The following UROS variants were observed in gnomAD, a reference collection of about 807,000 sequenced individuals.
UROS encodes uroporphyrinogen III synthase.
In UROS, 18 loss-of-function variants were observed where a neutral mutation model predicts 33.0. The observed-to-expected ratio is 0.55, with a 90% CI of 0.38 to 0.81. The LOEUF is 0.81. Among genes scored for constraint, UROS ranks in the 30% least tolerant of loss-of-function variants. UROS has a pLI of 0.00. For missense variants in UROS, 293 were observed against 314.9 expected (o/e 0.93, Z 0.53); for synonymous variants, 114 against 121.1 (o/e 0.94, Z 0.38).
chr10:125,811,805 C>CAAA (rs141063476), intron 5 of UROS, among the ~76,000 whole-genome samples: 2 of 148,994 alleles, frequency 1.3e-5, no homozygotes, highest in African/African-American at 2.5e-5. Context: ...TTAAGAAAAC[C>CAAA]AAAAAAAAAC....
At chr10:125,786,062 G>T (rs369242871), downstream of UROS, among the ~76,000 whole-genome samples, 285 of 152,150 alleles carry the variant, frequency 1.9e-3, 2 homozygotes, top group African/African-American at 6.5e-3. Flanking sequence ...CACCGTCCTG[G>T]GTGGCCCTAC....
At chr10:125,787,008 G>A (rs542482398), downstream of UROS, among the ~76,000 whole-genome samples, 53 of 152,272 alleles carry the variant, frequency 3.5e-4, 1 homozygote, top group Non-Finnish European at 6.2e-4. Context: ...CTCATCTCCC[G>A]CCCCGTATGA....
intron 9 of UROS, among the ~76,000 whole-genome samples, chr10:125,791,284 T>C (rs1235154142): frequency 1.3e-5 from 2 of 152,130 alleles, no homozygotes; most frequent in Non-Finnish European, 2.9e-5. Context: ...ATCAAATACA[T>C]GCTGAGAAAC....
chr10:125,793,916 C>G (rs971721594), intron 9 of UROS: 5 of 152,140 alleles, frequency 3.3e-5, no homozygotes, highest in Non-Finnish European at 5.9e-5. Flanking sequence ...GAGTCCTGGG[C>G]CTTCTAGGAA....
intron 7 of UROS, chr10:125,796,647 C>G (rs2133836181): frequency 4.1e-6 from 2 of 483,724 alleles, no homozygotes; most frequent in Non-Finnish European, 5.4e-6. Flanking sequence ...CGTCCCCTCT[C>G]TGGGCCTCAG....
intron 1 of UROS, 24 bp from the exon 2 acceptor site, chr10:125,816,549 T>A (rs746481710): frequency 1.2e-6 from 2 of 1,611,692 alleles, no homozygotes; most frequent in Admixed American, 1.7e-5. Flanking sequence ...AGGAAACAGA[T>A]CTTAATTAGA....
Position 125,823,216 on chromosome 10 carries a change from G to T in UROS, c.-214C>A. The T allele has an allele frequency of 9.3e-6, 2 of 214,930 alleles. No individual in the cohort carries two copies. The highest frequency in any genetic ancestry group is 2.1e-4 in the South Asian group (2 of 9,468). The allele number at this position is 214,930 out of a possible 1,614,324, so 13.3% of individuals were successfully genotyped here. ...CCCCAGGACCCCGCACCTCAGACTG[G>T]GGTCGCGTGGGTGGCTGCGCGCAGC... is the stretch of plus-strand genomic sequence containing the variant. On this transcript the variant is annotated 5_prime_UTR_variant, in exon 1 of 10. Coordinates refer to ENST00000368797, the MANE Select transcript of UROS (RefSeq NM_000375.3).
intron 5 of UROS, among the ~76,000 whole-genome samples, chr10:125,808,156 C>G (rs1852496457): frequency 6.6e-6 from 1 of 152,178 alleles, no homozygotes; most frequent in Non-Finnish European, 1.5e-5. Context: ...CTTTTCCAGA[C>G]AGCAAACACT....
intron 6 of UROS, among the ~76,000 whole-genome samples, chr10:125,800,368 C>T (rs1223965389): frequency 1.3e-5 from 2 of 152,222 alleles, no homozygotes; most frequent in Admixed American, 6.5e-5. Flanking sequence ...TTGCCTTTTC[C>T]GATACTACCT....
intron 5 of UROS, among the ~76,000 whole-genome samples, chr10:125,811,239 A>G (rs901768763): frequency 2.6e-5 from 4 of 152,270 alleles, no homozygotes; most frequent in African/African-American, 9.6e-5. Flanking sequence ...TGGAAAATGT[A>G]TAAATATACT....
At chr10:125,818,515 A>ATAATAC (rs1853562046) in intron 1 of UROS, among the ~76,000 whole-genome samples, 1 of 151,330 alleles carries the variant, frequency 6.6e-6, no homozygotes, top group Admixed American at 6.6e-5. Flanking sequence ...AATAATAATA[A>ATAATAC]TATAAAATTA....
At chr10:125,796,280 A>G (rs1382258377) in intron 7 of UROS, 92 bp from the exon 8 acceptor site, 2 of 1,232,248 alleles carry the variant, frequency 1.6e-6, no homozygotes, top group African/African-American at 1.5e-5. Flanking sequence ...AAACCTCCCA[A>G]TACAGCACCA....
At chr10:125,799,829 TCTACAA>T (rs1851671458) in intron 6 of UROS, among the ~76,000 whole-genome samples, 1 of 152,076 alleles carries the variant, frequency 6.6e-6, no homozygotes, top group African/African-American at 2.4e-5. Context: ...TGAGGAGAGA[TCTACAA>T]CTACATGTCC....
intron 7 of UROS, among the ~76,000 whole-genome samples, chr10:125,797,711 T>A (rs1851480041): frequency 6.6e-6 from 1 of 152,190 alleles, no homozygotes; most frequent in East Asian, 1.9e-4. Context: ...ATCGGCTACA[T>A]TTGTAGACTT....
intron 6 of UROS, among the ~76,000 whole-genome samples, chr10:125,805,036 G>C (rs1852197518): frequency 6.6e-6 from 1 of 152,222 alleles, no homozygotes; most frequent in Non-Finnish European, 1.5e-5. Flanking sequence ...CAATATGGGG[G>C]GTGGGGCAAG....
intron 9 of UROS, among the ~76,000 whole-genome samples, chr10:125,790,544 C>T (rs1850845405): frequency 6.6e-6 from 1 of 152,162 alleles, no homozygotes; most frequent in Non-Finnish European, 1.5e-5. Flanking sequence ...CATGGTAGCT[C>T]ATGCCTGTAA....
intron 6 of UROS, among the ~76,000 whole-genome samples, chr10:125,800,702 C>T (rs1190879941): frequency 6.6e-6 from 1 of 151,992 alleles, no homozygotes; most frequent in Non-Finnish European, 1.5e-5. Context: ...GCTGGGATTA[C>T]AGACGCGGCC....
At chr10:125,819,787 T>C (rs141499067) in intron 1 of UROS, 1 of 152,654 alleles carries the variant, frequency 6.6e-6, no homozygotes, top group African/African-American at 2.4e-5. Context: ...AACCTGTTAT[T>C]TCCCATTGAG....
At position 125,813,345 on chromosome 10, in the gene UROS, T is replaced by C. The variant is rs1302599822; in HGVS notation, c.245-1057A>G. Reference sequence around the variant, plus strand: ...TGTTGTGAGAATCAAAATAAGAAAATACATGGGAAAATGCATTTTAAACTT... The same window carrying C: ...TGTTGTGAGAATCAAAATAAGAAAACACATGGGAAAATGCATTTTAAACTT... On this transcript the variant is annotated intron_variant, in intron 4 of 9. Coordinates refer to ENST00000368797, the MANE Select transcript of UROS (RefSeq NM_000375.3). Among the ~76,000 whole-genome samples the C allele has an allele frequency of 3.3e-5, 5 of 152,228 alleles. No individual in the cohort carries two copies. The East Asian group carries it at 5.8e-4, about 18-fold the overall frequency.
Sources: gnomAD v4.1 joint callset for allele counts (sites outside exome capture counted in the v4.1 genomes callset) on GRCh38, gnomAD v4.1.1 for gene constraint, MANE v1.5 for transcripts, NCBI Gene and HGNC (gene_info 2026-07-23, HGNC 2026-07-21) for gene names.